FAT1: variants seen among roughly 807,000 people sequenced by gnomAD.
The protein encoded by FAT1 is FAT atypical cadherin 1.
A neutral mutation model predicts 329.8 loss-of-function variants in FAT1; 171 were observed. The observed-to-expected ratio is 0.52, with a 90% CI of 0.46 to 0.59. The LOEUF is 0.59. Among genes scored for constraint, FAT1 ranks in the 20% least tolerant of loss-of-function variants. The pLI, the probability that FAT1 is intolerant of heterozygous loss-of-function variation, is 0.00. For missense variants in FAT1, 5,672 were observed against 5,774.4 expected, an observed-to-expected ratio of 0.98 and a Z score of 0.57; for synonymous variants, 2,233 against 2,228.6, an observed-to-expected ratio of 1.00 and a Z score of -0.06.
At chr4:186,590,436 A>G in intron 26 of FAT1, 3 of 1,283,934 alleles carry the variant, frequency 2.3e-6, no homozygotes, top group Non-Finnish European at 3.1e-6. Flanking sequence ...AAAAGAAAAC[A>G]TTTGTAATTA....
At chr4:186,644,462 A>C (rs1741263862) in intron 3 of FAT1, among the ~76,000 whole-genome samples, 1 of 152,218 alleles carries the variant, frequency 6.6e-6, no homozygotes, top group Non-Finnish European at 1.5e-5. Context: ...CTATATAATA[A>C]AACTATGATA....
At position 186,613,236 on chromosome 4, in the gene FAT1, C is replaced by A. The variant is rs369010028; in HGVS notation, c.9336G>T (p.Val3112=). ...TATCGTTCACATCTTCTAGCGTGAG[C>A]ACAATACTGGCTTGGCAGAATCTTC... The part of the protein sequence containing the change: ...GGGRFCQASI[V]LTLEDVNDNA... The change falls in exon 13 of 27, where the codon GTG becomes GTT. Residue 3112 remains valine, a synonymous_variant. Coordinates refer to ENST00000441802, the MANE Select transcript of FAT1 (RefSeq NM_005245.4). 7.2e-5 allele frequency: 116 copies of A among 1,613,748 alleles called. No individual in the cohort carries two copies. Among genetic ancestry groups the A allele is most frequent in the Non-Finnish European group, 9.1e-5 (107 of 1,179,792 alleles).
At position 186,663,527 on chromosome 4, in the gene FAT1, G is replaced by T. The variant is rs780115743; in HGVS notation, c.3352C>A (p.Pro1118Thr). 3 of 1,612,864 alleles carry T rather than the reference G, an allele frequency of 1.9e-6. No homozygotes were observed. The African/African-American group carries it at 4.0e-5, about 22-fold the overall frequency. ...TAGATCTCTATGAACGATGAAAGAG[G>T]CACGACACCCTGATCGGTTGCAAAG... Reference protein sequence around the residue: ...TVFATDQGVVPLSSFIEIYIE... With the variant: ...TVFATDQGVVTLSSFIEIYIE... Residue 1118 changes from proline (P) to threonine (T), a missense_variant, in exon 3 of 27, where the codon CCT (proline) becomes ACT (threonine). Pro to Thr is a conservative substitution (Grantham distance 38). Around this residue, in one of 2 missense-constraint regions of FAT1, gnomAD observed 3,966 missense variants for 3,915.2 expected, o/e 1.01. Coordinates refer to ENST00000441802, the MANE Select transcript of FAT1 (RefSeq NM_005245.4).
At chr4:186,666,442 A>G (rs1742443130) in intron 2 of FAT1, among the ~76,000 whole-genome samples, 1 of 152,224 alleles carries the variant, frequency 6.6e-6, no homozygotes. Context: ...GTCAGGGGAT[A>G]ACAGAATGTT....
chr4:186,693,787 T>C (rs1743905496), intron 2 of FAT1, among the ~76,000 whole-genome samples: 1 of 152,168 alleles, frequency 6.6e-6, no homozygotes, highest in Non-Finnish European at 1.5e-5. Flanking sequence ...ATACTTAATA[T>C]TGGCCCAAAG....
rs770573765 is a variant in FAT1 at position 186,619,379 on chromosome 4, C to T, written c.7207G>A (p.Ala2403Thr). ...QIYEARISEH[A>T]PHGHFVTCVK... ...CAGGTCACGAAATGCCCATGAGGGG[C>T]GTGCTCGCTAATTCTGGCTTCATAA... Residue 2403 changes from alanine to threonine, a missense_variant, in exon 10 of 27, where the codon GCC becomes ACC. By Grantham distance (58) the Ala-to-Thr change is moderately conservative. Coordinates refer to ENST00000441802, the MANE Select transcript of FAT1 (RefSeq NM_005245.4). 17 of 1,613,830 alleles carry T rather than the reference C, an allele frequency of 1.1e-5. No individual in the cohort carries two copies. The East Asian group carries it at 2.2e-4, about 21-fold the overall frequency.
At chr4:186,644,210 G>A (rs925321073) in intron 3 of FAT1, among the ~76,000 whole-genome samples, 4 of 152,054 alleles carry the variant, frequency 2.6e-5, no homozygotes, top group South Asian at 2.1e-4. Flanking sequence ...CATGAACTCT[G>A]AACTGTGACT....
intron 3 of FAT1, among the ~76,000 whole-genome samples, chr4:186,661,428 G>A (rs935834467): frequency 6.6e-6 from 1 of 152,194 alleles, no homozygotes; most frequent in Non-Finnish European, 1.5e-5. Flanking sequence ...GGCTGTCCGT[G>A]CGTCAATCAT....
In FAT1 at chr4:186,659,817, G is replaced by A. The variant is rs1229215975; in HGVS notation, c.3580+3482C>T. ...CGGCTGTGGCACCTGTCCCCTGAAC[G>A]ACCCTGGGTGCTCCTGCACTCTACA... is the stretch of plus-strand genomic sequence containing the variant. On this transcript the variant is annotated intron_variant, in intron 3 of 26. Coordinates refer to ENST00000441802, the MANE Select transcript of FAT1 (RefSeq NM_005245.4). Among the ~76,000 whole-genome samples the A allele has an allele frequency of 1.2e-4, 17 of 136,080 alleles. No individual in the cohort carries two copies. The East Asian group carries it at 2.5e-3, about 20-fold the overall frequency. 89.3% of individuals were successfully genotyped at this position (136,080 alleles called of 152,430 possible).
chr4:186,610,962 T>C (rs1309068743), intron 14 of FAT1, among the ~76,000 whole-genome samples: 1 of 151,830 alleles, frequency 6.6e-6, no homozygotes, highest in Non-Finnish European at 1.5e-5. Context: ...ACTTAATATA[T>C]TATCAGAAGC....
chr4:186,636,439 G>A (rs1468560714), intron 5 of FAT1, 146 bp downstream of exon 5: 28 of 936,946 alleles, frequency 3.0e-5, no homozygotes, highest in Non-Finnish European at 4.2e-5. Flanking sequence ...ATTCTCAAAC[G>A]TTATCCGGCA....
At chr4:186,696,550 G>A (rs963068000) in intron 2 of FAT1, among the ~76,000 whole-genome samples, 3 of 152,152 alleles carry the variant, frequency 2.0e-5, no homozygotes, top group African/African-American at 7.2e-5. Flanking sequence ...AGAGGAACAC[G>A]GACGTCTGAG....
chr4:186,610,624 A>G (rs1015383433), intron 14 of FAT1, among the ~76,000 whole-genome samples: 2 of 126,808 alleles, frequency 1.6e-5, no homozygotes, highest in Non-Finnish European at 3.2e-5. Context: ...TTATATAAAT[A>G]TAAATTATAT....
At chr4:186,696,490 C>G (rs1225032578) in intron 2 of FAT1, among the ~76,000 whole-genome samples, 1 of 152,070 alleles carries the variant, frequency 6.6e-6, no homozygotes, top group Non-Finnish European at 1.5e-5. Context: ...GATGAACACC[C>G]CCTGAGCAGG....
chr4:186,712,357 C>T (rs1579497569), intron 1 of FAT1, among the ~76,000 whole-genome samples: 1 of 138,350 alleles, frequency 7.2e-6, no homozygotes, highest in African/African-American at 3.0e-5. Context: ...TTTTTCTCTA[C>T]TGTGGTTTTT....
chr4:186,588,575 T>C lies in FAT1; in HGVS notation c.*17A>G, dbSNP rs780930037. The stretch of plus-strand genomic sequence containing the variant: ...TCTAGGTTCACTAAAGTCAGGCACT[T>C]TGGGGGGAGTTGAGAGTCAGACTTC... On this transcript the variant is annotated 3_prime_UTR_variant, in exon 27 of 27. Transcript: ENST00000441802. The C allele has an allele frequency of 8.8e-6, 14 of 1,597,962 alleles. No homozygotes were observed. Among genetic ancestry groups the C allele is most frequent in the Admixed American group, 1.7e-5 (1 of 59,340 alleles).
intron 25 of FAT1, 57 bp from the exon 26 acceptor site, chr4:186,595,883 C>T: frequency 6.3e-7 from 1 of 1,588,242 alleles, no homozygotes; most frequent in Admixed American, 1.7e-5. Flanking sequence ...TTGTTCACCG[C>T]TGAATCCTGA....
chr4:186,663,106 G>A (rs1742259240), intron 3 of FAT1, among the ~76,000 whole-genome samples, 193 bp downstream of exon 3: 1 of 152,188 alleles, frequency 6.6e-6, no homozygotes, highest in Admixed American at 6.5e-5. Flanking sequence ...AAAGTGCTGG[G>A]ATTACAGGCG....
In FAT1 at chr4:186,588,777, C is replaced by A. The variant is rs192609167; in HGVS notation, c.13582G>T (p.Glu4528Ter). The A allele has an allele frequency of 6.2e-7, 1 of 1,613,984 alleles. No homozygotes were observed. Among genetic ancestry groups the A allele is most frequent in the South Asian group, 1.1e-5 (1 of 91,082 alleles). The change falls in exon 27 of 27, where the codon GAG becomes TAG. Residue 4528 changes from glutamate (E) to a stop codon, truncating the protein, a stop_gained. Coordinates refer to ENST00000441802, the MANE Select transcript of FAT1 (RefSeq NM_005245.4). LOFTEE classifies it high-confidence loss of function. Reference protein sequence around the residue: ...PYPPGYQRHFEAPAVESMPMS... With the variant: ...PYPPGYQRHF The stretch of plus-strand genomic sequence containing the variant: ...GGCATGCTCTCGACAGCGGGCGCCT[C>A]GAAGTGTCTTTGATACCCTGGCGGG...
Sources: gnomAD v4.1 joint callset for allele counts (sites outside exome capture counted in the v4.1 genomes callset) on GRCh38, gnomAD v4.1.1 for gene constraint, gnomAD v4.1.1 regional missense constraint, MANE v1.5 for transcripts, NCBI Gene and HGNC (gene_info 2026-07-23, HGNC 2026-07-21) for gene names.